DCC: variants seen among roughly 807,000 people sequenced by gnomAD.
DCC encodes netrin receptor DCC.
Under a neutral mutation model 172.5 loss-of-function variants are expected in DCC, and 58 were observed. That is an observed-to-expected ratio of 0.34 (90% confidence interval 0.27 to 0.42). DCC has a LOEUF of 0.42. Among genes scored for constraint, DCC ranks in the 10% least tolerant of loss-of-function variants. The probability of loss-of-function intolerance (pLI) is 1.00; values close to 1 mark genes in which losing one functional copy is unlikely to be tolerated. For synonymous variants in DCC, 709 were observed against 644.5 expected (o/e 1.10, Z -1.52); for missense variants, 1,740 against 1,791.0 (o/e 0.97, Z 0.51).
At chr18:52,614,211 G>C (rs922612074) in intron 1 of DCC, among the ~76,000 whole-genome samples, 1 of 152,142 alleles carries the variant, frequency 6.6e-6, no homozygotes, top group Non-Finnish European at 1.5e-5. Flanking sequence ...ATAAAATGGT[G>C]AGTCTTAATT....
intron 19 of DCC, 150 bp from the exon 20 acceptor site, chr18:53,410,302 A>G (rs1398074429): frequency 1.6e-6 from 1 of 633,394 alleles, no homozygotes; most frequent in Non-Finnish European, 2.9e-6. Flanking sequence ...TGCATTATGA[A>G]AAAAAGACAT....
intron 2 of DCC, among the ~76,000 whole-genome samples, chr18:52,878,811 G>T (rs1313259565): frequency 2.6e-5 from 4 of 152,118 alleles, no homozygotes; most frequent in African/African-American, 9.7e-5. Context: ...AATGTGCTGG[G>T]ATATCTGAAG....
intron 8 of DCC, among the ~76,000 whole-genome samples, chr18:53,160,793 A>G (rs1305172118): frequency 6.6e-6 from 1 of 152,074 alleles, no homozygotes; most frequent in Non-Finnish European, 1.5e-5. Context: ...CTTGATTTTA[A>G]TTTCATGTAA....
intron 27 of DCC, among the ~76,000 whole-genome samples, chr18:53,518,235 A>T (rs1399448572): frequency 1.3e-5 from 2 of 152,178 alleles, no homozygotes; most frequent in Non-Finnish European, 2.9e-5. Flanking sequence ...CTTCAAAGCC[A>T]CCCTTTTTAA....
At chr18:52,886,654 C>T (rs1449465135) in intron 2 of DCC, among the ~76,000 whole-genome samples, 1 of 152,116 alleles carries the variant, frequency 6.6e-6, no homozygotes, top group African/African-American at 2.4e-5. Context: ...TCTGTTTCCT[C>T]TGCTGGGAAA....
chr18:53,467,102 C>T lies in DCC; in HGVS notation c.3620-792C>T, dbSNP rs180962186. On this transcript the variant is annotated intron_variant, in intron 24 of 28. Transcript: ENST00000442544. ...CCTATCCCAAATTCCTAATCCCTTT[C>T]GCAAAAGGAAAACAATGTTAAAAAT... Among the ~76,000 whole-genome samples, 308 of 152,138 alleles carry T rather than the reference C, an allele frequency of 2.0e-3. 1 individual carries two copies. Among genetic ancestry groups the T allele is most frequent in the African/African-American group, 3.0e-3 (124 of 41,530 alleles).
rs865776729 is a variant in DCC at position 53,128,870 on chromosome 18, C to T, written c.1262-28486C>T. ...ACACACACACACACACACACACACACATATATATATATATATATATATATA... is the reference window on the plus strand; with the variant it reads ...ACACACACACACACACACACACACATATATATATATATATATATATATATA... On this transcript the variant is annotated intron_variant, in intron 7 of 28. Transcript: ENST00000442544. Among the ~76,000 whole-genome samples, 407 of 77,366 alleles carry T rather than the reference C, an allele frequency of 5.3e-3. 1 individual carries two copies. The highest frequency in any genetic ancestry group is 0.011 in the African/African-American group (177 of 15,952). The allele number at this position is 77,366 out of a possible 152,430, so 50.8% of individuals were successfully genotyped here. A position where few individuals can be genotyped will look rare whatever the true frequency, so the allele number is the denominator to read the frequency against.
At chr18:52,758,080 C>T (rs551224894) in intron 2 of DCC, among the ~76,000 whole-genome samples, 1 of 152,226 alleles carries the variant, frequency 6.6e-6, no homozygotes, top group East Asian at 1.9e-4. Context: ...TCCACTTAGT[C>T]CCTTGAAAAT....
intron 2 of DCC, among the ~76,000 whole-genome samples, chr18:52,811,247 T>C (rs551630187): frequency 6.6e-6 from 1 of 152,364 alleles, no homozygotes; most frequent in South Asian, 2.1e-4. Flanking sequence ...AAAAATGACC[T>C]ATGAATATTT....
chr18:52,824,278 G>T (rs1269342236), intron 2 of DCC, among the ~76,000 whole-genome samples: 2 of 152,118 alleles, frequency 1.3e-5, no homozygotes, highest in Non-Finnish European at 2.9e-5. Context: ...TACTCTCCTT[G>T]TGTCTTGTGA....
At chr18:52,497,349 ATATATACACACATATACATATGTG>A (rs1410217508) in intron 1 of DCC, among the ~76,000 whole-genome samples, 133 of 122,756 alleles carry the variant, frequency 1.1e-3, no homozygotes, top group African/African-American at 2.3e-3. Flanking sequence ...GTATGCATAT[ATATATACACACATATACATATGTG>A]TATATATGTA....
At chr18:52,395,692 T>A (rs1293242203) in intron 1 of DCC, among the ~76,000 whole-genome samples, 1 of 152,058 alleles carries the variant, frequency 6.6e-6, no homozygotes, top group Non-Finnish European at 1.5e-5. Context: ...GAGCCTGAGA[T>A]CTGCCTTCTT....
At chr18:52,470,197 A>G (rs1464279884) in intron 1 of DCC, among the ~76,000 whole-genome samples, 1 of 152,208 alleles carries the variant, frequency 6.6e-6, no homozygotes, top group African/African-American at 2.4e-5. Context: ...AGACTTCGGC[A>G]CCTTAGGAAT....
chr18:53,459,297 T>C lies in DCC; in HGVS notation c.3458T>C (p.Leu1153Pro). ...GSQKDLRPPD[L>P]WIHHEEMEMK... The stretch of plus-strand genomic sequence containing the variant: ...CAGAAGGACCTCCGACCCCCTGATC[T>C]TTGGATCCATCATGAAGAAATGGAG... Residue 1153 changes from leucine to proline, a missense_variant, in exon 24 of 29, where the codon CTT (leucine) becomes CCT (proline). By Grantham distance (98) the Leu-to-Pro change is moderately conservative. Transcript: ENST00000442544. 3 of 1,614,110 alleles carry C rather than the reference T, an allele frequency of 1.9e-6. No homozygotes were observed. The highest frequency in any genetic ancestry group is 2.5e-6 in the Non-Finnish European group (3 of 1,180,008).
At chr18:53,139,538 AC>A (rs1354027481) in intron 7 of DCC, among the ~76,000 whole-genome samples, 1 of 152,076 alleles carries the variant, frequency 6.6e-6, no homozygotes, top group African/African-American at 2.4e-5. Context: ...TATCTTGAAT[AC>A]CTTTTTTGTT....
chr18:53,137,624 C>T (rs2043764108), intron 7 of DCC, among the ~76,000 whole-genome samples: 1 of 152,118 alleles, frequency 6.6e-6, no homozygotes, highest in Non-Finnish European at 1.5e-5. Flanking sequence ...CAACTGTACC[C>T]AGTGGAAGTA....
intron 1 of DCC, among the ~76,000 whole-genome samples, chr18:52,533,676 T>C (rs1301141942): frequency 6.6e-5 from 10 of 152,154 alleles, no homozygotes; most frequent in Non-Finnish European, 1.3e-4. Flanking sequence ...TCTTTGGCTA[T>C]TGTGAATAAA....
At chr18:52,737,905 C>T (rs2036753767) in intron 1 of DCC, among the ~76,000 whole-genome samples, 1 of 152,116 alleles carries the variant, frequency 6.6e-6, no homozygotes, top group African/African-American at 2.4e-5. Flanking sequence ...CAGCTCGGAG[C>T]TTTGATGCCC....
chr18:53,114,488 G>C (rs73467188), intron 7 of DCC, among the ~76,000 whole-genome samples: 7 of 151,580 alleles, frequency 4.6e-5, no homozygotes, highest in African/African-American at 1.7e-4. Context: ...TTTCATGTTA[G>C]CTTCAGCATA....
Sources: gnomAD v4.1 joint callset for allele counts (sites outside exome capture counted in the v4.1 genomes callset) on GRCh38, gnomAD v4.1.1 for gene constraint, MANE v1.5 for transcripts, NCBI Gene and HGNC (gene_info 2026-07-23, HGNC 2026-07-21) for gene names.